Variants in EZH2 observed in about 807,000 individuals in gnomAD.
EZH2 encodes enhancer of zeste 2 polycomb repressive complex 2 subunit.
In EZH2, 18 loss-of-function variants were observed where a neutral mutation model predicts 98.4. The ratio of observed to expected loss-of-function variants is 0.18; its 90% CI spans 0.13 to 0.27. The LOEUF (loss-of-function observed/expected upper bound fraction) is 0.27, where lower values mean the gene tolerates loss of function less well. EZH2 is among the 10% of genes least tolerant of loss of function. The pLI is 1.00. For synonymous variants in EZH2, 338 were observed against 312.3 expected (o/e 1.08, Z -0.87); for missense variants, 470 against 935.1 (o/e 0.50, Z 6.49).
At chr7:148,818,657 A>T (rs1027032410) in intron 9 of EZH2, among the ~76,000 whole-genome samples, 46 of 148,270 alleles carry the variant, frequency 3.1e-4, no homozygotes, top group Admixed American at 8.8e-4. Flanking sequence ...AACATCCAAC[A>T]TTTTTTTTTT....
chr7:148,837,752 G>A (rs185665929), intron 3 of EZH2, among the ~76,000 whole-genome samples: 50 of 152,066 alleles, frequency 3.3e-4, no homozygotes, highest in African/African-American at 1.1e-3. Flanking sequence ...AAACAAAAAC[G>A]GAAGAAAAAA....
At chr7:148,855,875 G>T (rs935909002) in intron 1 of EZH2, among the ~76,000 whole-genome samples, 1 of 134,574 alleles carries the variant, frequency 7.4e-6, no homozygotes, top group Non-Finnish European at 1.5e-5. Flanking sequence ...TCCAGCCTAG[G>T]CGACAGAGCA....
chr7:148,833,378 A>G (rs1809939465), intron 3 of EZH2, among the ~76,000 whole-genome samples: 1 of 151,288 alleles, frequency 6.6e-6, no homozygotes, highest in Non-Finnish European at 1.5e-5. Context: ...AATGGCGTGA[A>G]CCCGGGAGGC....
At position 148,875,323 on chromosome 7, in the gene EZH2, C is replaced by T. The variant is rs1326298115; in HGVS notation, c.-8+8841G>A. ...TGATCTTTATAGTATTAAAAATACACAAAATCAAACAAAAATGAACAATAA... is the reference window on the plus strand; with the variant it reads ...TGATCTTTATAGTATTAAAAATACATAAAATCAAACAAAAATGAACAATAA... On this transcript the variant is annotated intron_variant, in intron 1 of 19. Transcript: ENST00000320356. 3.3e-5 allele frequency among the ~76,000 whole-genome samples: 5 copies of T among 152,118 alleles called. No individual in the cohort carries two copies. In the East Asian group the frequency reaches 9.6e-4, roughly 29 times the overall value.
intron 1 of EZH2, among the ~76,000 whole-genome samples, chr7:148,850,936 G>A (rs1234104509): frequency 1.3e-5 from 2 of 152,100 alleles, no homozygotes; most frequent in African/African-American, 4.8e-5. Flanking sequence ...TGTTACAAAA[G>A]TTACGTAGCT....
At chr7:148,871,423 A>AG (rs1819376101) in intron 1 of EZH2, among the ~76,000 whole-genome samples, 1 of 149,920 alleles carries the variant, frequency 6.7e-6, no homozygotes, top group African/African-American at 2.5e-5. Flanking sequence ...AAAAAAAAAA[A>AG]AAGAAGAGGA....
intron 1 of EZH2, among the ~76,000 whole-genome samples, chr7:148,847,595 T>A (rs1008896324): frequency 1.3e-5 from 2 of 152,240 alleles, no homozygotes; most frequent in African/African-American, 4.8e-5. Context: ...CTATACTATA[T>A]CACAACCTAG....
At chr7:148,846,816 A>T (rs969379945) in intron 2 of EZH2, among the ~76,000 whole-genome samples, 1 of 149,926 alleles carries the variant, frequency 6.7e-6, no homozygotes, top group African/African-American at 2.5e-5. Context: ...ACAGGAAACG[A>T]TTGCCATCCT....
chr7:148,855,596 C>T (rs1253524816), intron 1 of EZH2, among the ~76,000 whole-genome samples: 5 of 152,026 alleles, frequency 3.3e-5, no homozygotes, highest in African/African-American at 1.2e-4. Flanking sequence ...ACTATATCAG[C>T]ATTAAAAAAG....
chr7:148,844,724 G>A (rs1813526056), intron 3 of EZH2, among the ~76,000 whole-genome samples: 1 of 152,050 alleles, frequency 6.6e-6, no homozygotes, highest in African/African-American at 2.4e-5. Context: ...TCAACGATTT[G>A]TCTCCATTTG....
chr7:148,839,540 A>T (rs1480071864), intron 3 of EZH2, among the ~76,000 whole-genome samples: 1 of 151,210 alleles, frequency 6.6e-6, no homozygotes, highest in African/African-American at 2.4e-5. Context: ...GGGGGGGGCA[A>T]TCTGCAAAAC....
At chr7:148,818,171 G>T in intron 9 of EZH2, 54 bp from the exon 10 acceptor site, 1 of 1,490,196 alleles carries the variant, frequency 6.7e-7, no homozygotes, top group South Asian at 1.5e-5. Flanking sequence ...TCATTTTGAT[G>T]GAAGAGAAAA....
intron 1 of EZH2, among the ~76,000 whole-genome samples, chr7:148,858,410 A>G (rs576503948): frequency 9.2e-5 from 14 of 152,120 alleles, no homozygotes; most frequent in Non-Finnish European, 1.5e-4. Flanking sequence ...ACCGTAGCTC[A>G]CTGCAGCCTG....
At chr7:148,812,407 C>T (rs76370609) in intron 15 of EZH2, among the ~76,000 whole-genome samples, 4,387 of 152,284 alleles carry the variant, frequency 0.029, 101 homozygotes, top group Non-Finnish European at 0.046. Flanking sequence ...TTCATCACGG[C>T]TCAGTATTAT....
At chr7:148,828,586 C>G (rs1157571437) in intron 6 of EZH2, among the ~76,000 whole-genome samples, 154 bp downstream of exon 6, 1 of 151,950 alleles carries the variant, frequency 6.6e-6, no homozygotes, top group Non-Finnish European at 1.5e-5. Context: ...CCCTACCTGG[C>G]CATAATATGT....
chr7:148,872,842 T>C (rs1299541570), intron 1 of EZH2, among the ~76,000 whole-genome samples: 2 of 152,066 alleles, frequency 1.3e-5, no homozygotes, highest in Non-Finnish European at 2.9e-5. Context: ...TTGATACCTT[T>C]TTTTTTTTAA....
chr7:148,826,385 T>C, intron 8 of EZH2, 69 bp downstream of exon 8: 1 of 1,191,436 alleles, frequency 8.4e-7, no homozygotes, highest in South Asian at 3.1e-5. Flanking sequence ...CTAGTTGTAA[T>C]AAATGATAGC....
chr7:148,879,741 G>A (rs547660031), intron 1 of EZH2, among the ~76,000 whole-genome samples: 12 of 151,892 alleles, frequency 7.9e-5, no homozygotes, highest in Non-Finnish European at 1.5e-4. Flanking sequence ...GCGTGGTGGC[G>A]CACGCTTGTA....
At chr7:148,815,435 C>G (rs1037651296) in intron 13 of EZH2, 71 bp downstream of exon 13, 3 of 1,471,688 alleles carry the variant, frequency 2.0e-6, no homozygotes, top group South Asian at 1.1e-5. Flanking sequence ...AATCCAGTTA[C>G]TATTCTAAAA....
Sources: allele counts gnomAD v4.1 joint callset (sites outside exome capture counted in the v4.1 genomes callset), GRCh38; gene constraint gnomAD v4.1.1; transcripts MANE v1.5; gene names NCBI Gene and HGNC (gene_info 2026-07-23, HGNC 2026-07-21).